Variants in ACRV1 observed in about 807,000 individuals in gnomAD.
ACRV1 encodes the protein acrosomal vesicle protein 1, also known as acrosomal protein SP-10.
ACRV1 carries 17 observed loss-of-function variants against 29.2 expected under a neutral mutation model. The ratio of observed to expected loss-of-function variants is 0.58; its 90% CI spans 0.40 to 0.87. The LOEUF is 0.87. Ranked by LOEUF, ACRV1 falls within the 40% of genes least tolerant of loss-of-function variation. The probability of loss-of-function intolerance (pLI) is 0.00; values close to 1 mark genes in which losing one functional copy is unlikely to be tolerated. For missense variants in ACRV1, 294 were observed against 316.0 expected (o/e 0.93, Z 0.53); for synonymous variants, 98 against 111.6 (o/e 0.88, Z 0.77).
chr11:125,676,429 T>C lies in ACRV1; in HGVS notation c.603A>G (p.Lys201=). The change falls in exon 3 of 4, where the codon AAA becomes AAG. Residue 201 remains lysine (K), a synonymous_variant. Coordinates refer to ENST00000533904, the MANE Select transcript of ACRV1 (RefSeq NM_001612.6). ...TGCAGGTTCCCTCTCCACGAAGACA[T>C]TTTCCTTGATCATTCATATAAGCAC... ...YTCAYMNDQG[K]CLRGEGTCIT... 1 of 1,614,072 alleles carries C rather than the reference T, an allele frequency of 6.2e-7. No homozygotes were observed. Among genetic ancestry groups the C allele is most frequent in the Non-Finnish European group, 8.5e-7 (1 of 1,179,954 alleles).
At chr11:125,677,444 A>G (rs1018179840) in intron 2 of ACRV1, among the ~76,000 whole-genome samples, 11 of 152,246 alleles carry the variant, frequency 7.2e-5, no homozygotes, top group Admixed American at 6.5e-5. Context: ...CAGGGTTAGC[A>G]TAAAGCTAAT....
At chr11:125,674,293 A>C (rs560611608) in intron 3 of ACRV1, among the ~76,000 whole-genome samples, 2 of 152,348 alleles carry the variant, frequency 1.3e-5, no homozygotes, top group African/African-American at 4.8e-5. Context: ...ATGCTGGCAA[A>C]TAAATGATTA....
Position 125,672,302 on chromosome 11 carries a change from TG to T in ACRV1, c.*290del. On this transcript the variant is annotated 3_prime_UTR_variant, in exon 4 of 4. Transcript: ENST00000533904. ...CATGTTGACCCTGCAACTAGATTAA[TG>T]GGGGAAAAAAAGGTCTGTCTTGAGC... 1 of 267,476 alleles carries T rather than the reference TG, an allele frequency of 3.7e-6. No individual in the cohort carries two copies. Among genetic ancestry groups the T allele is most frequent in the Non-Finnish European group, 7.0e-6 (1 of 143,178 alleles). The allele number at this position is 267,476 out of a possible 1,614,324, so 16.6% of individuals were successfully genotyped here.
Position 125,672,594 on chromosome 11 carries a change from T to C in ACRV1, c.797A>G (p.Ter266TrpextTer33). Residue 266 changes from the stop codon to tryptophan (W), a stop_lost, in exon 4 of 4, where the codon TAG becomes TGG. Transcript: ENST00000533904. ...CRNQSFCNKI[*>W] ...CAAAACAAGCAAGGGCCCAGGCTTC[T>C]AGATCTTATTGCAGAAAGATTGATT... 6.2e-7 allele frequency: 1 copy of C among 1,614,052 alleles called. No individual in the cohort carries two copies. The highest frequency in any genetic ancestry group is 8.5e-7 in the Non-Finnish European group (1 of 1,180,004).
At chr11:125,675,818 C>G (rs1402437264) in intron 3 of ACRV1, 1 of 153,260 alleles carries the variant, frequency 6.5e-6, no homozygotes, top group Non-Finnish European at 1.5e-5. Context: ...CAGCTAGTCT[C>G]TCTGCCTTCT....
chr11:125,680,353 C>T (rs1004160494), intron 1 of ACRV1, among the ~76,000 whole-genome samples: 1 of 152,154 alleles, frequency 6.6e-6, no homozygotes, highest in Non-Finnish European at 1.5e-5. Context: ...TTACATCTTC[C>T]CATCTCCCAT....
chr11:125,676,933 G>A (rs1942539736), intron 2 of ACRV1, among the ~76,000 whole-genome samples: 1 of 150,334 alleles, frequency 6.7e-6, no homozygotes, highest in Non-Finnish European at 1.5e-5. Flanking sequence ...TGTGAAGAGT[G>A]TGTCCTTCTC....
At chr11:125,676,872 A>G (rs1013662791) in intron 2 of ACRV1, among the ~76,000 whole-genome samples, 13 of 152,186 alleles carry the variant, frequency 8.5e-5, no homozygotes, top group Non-Finnish European at 1.6e-4. Flanking sequence ...ACTTGGAGTC[A>G]TATTTGACCG....
chr11:125,676,537 T>G, intron 2 of ACRV1, 59 bp from the exon 3 acceptor site: 1 of 1,605,634 alleles, frequency 6.2e-7, no homozygotes, highest in African/African-American at 1.3e-5. Flanking sequence ...GTAGCCTTGA[T>G]TCACATCTGG....
At chr11:125,674,771 A>T (rs1190116978) in intron 3 of ACRV1, among the ~76,000 whole-genome samples, 3 of 152,232 alleles carry the variant, frequency 2.0e-5, no homozygotes, top group African/African-American at 7.2e-5. Context: ...AGGGTATTTT[A>T]AAATGCATAT....
chr11:125,673,219 T>G (rs1216782792), intron 3 of ACRV1, among the ~76,000 whole-genome samples: 1 of 151,382 alleles, frequency 6.6e-6, no homozygotes, highest in Non-Finnish European at 1.5e-5. Flanking sequence ...TTTCTTTTTT[T>G]TTTTTGAGAC....
intron 1 of ACRV1, among the ~76,000 whole-genome samples, chr11:125,678,975 A>ATTT (rs1491273537): frequency 8.5e-5 from 3 of 35,366 alleles, no homozygotes; most frequent in African/African-American, 3.4e-4. Flanking sequence ...AAGTCTAGGC[A>ATTT]TATTATATAT....
Position 125,677,897 on chromosome 11 carries a change from A to G in ACRV1, c.453T>C (p.Gly151=). 6.2e-7 allele frequency: 1 copy of G among 1,613,834 alleles called. No individual in the cohort carries two copies. The highest frequency in any genetic ancestry group is 1.1e-5 in the South Asian group (1 of 91,054). The change falls in exon 2 of 4, where the codon GGT becomes GGC. Residue 151 remains glycine (G), a synonymous_variant. Transcript: ENST00000533904. ...AGGCCTGCTCACCAGAAGGCTGTTC[A>G]CCGGAGCCATGTTCACCTGAAGGCT... ...DEQPSGEHGS[G]EQPSGEQASG... is the part of the protein sequence containing the mutation.
chr11:125,676,931 G>C (rs1017478922), intron 2 of ACRV1, among the ~76,000 whole-genome samples: 1 of 151,502 alleles, frequency 6.6e-6, no homozygotes, highest in African/African-American at 2.4e-5. Flanking sequence ...CCTGTGAAGA[G>C]TGTGTCCTTC....
chr11:125,676,521 A>C, intron 2 of ACRV1, 43 bp from the exon 3 acceptor site: 2 of 1,612,194 alleles, frequency 1.2e-6, no homozygotes, highest in Non-Finnish European at 1.7e-6. Flanking sequence ...CTTGTGGACC[A>C]GATGTGTAGC....
At chr11:125,675,597 TAA>T (rs1311959879) in intron 3 of ACRV1, among the ~76,000 whole-genome samples, 1 of 152,064 alleles carries the variant, frequency 6.6e-6, no homozygotes, top group Non-Finnish European at 1.5e-5. Context: ...AGAGTAAGGG[TAA>T]AGAGGTGTGG....
intron 3 of ACRV1, 69 bp downstream of exon 3, chr11:125,676,290 A>G: frequency 6.3e-7 from 1 of 1,580,578 alleles, no homozygotes; most frequent in Non-Finnish European, 8.7e-7. Context: ...CTGTCATTCC[A>G]ACTGCCCCCT....
At chr11:125,675,423 A>G (rs1299047923) in intron 3 of ACRV1, among the ~76,000 whole-genome samples, 1 of 152,188 alleles carries the variant, frequency 6.6e-6, no homozygotes, top group Non-Finnish European at 1.5e-5. Flanking sequence ...AGTTCATGGT[A>G]TGTGTCATTA....
At chr11:125,673,300 G>C (rs903450796) in intron 3 of ACRV1, among the ~76,000 whole-genome samples, 2 of 151,640 alleles carry the variant, frequency 1.3e-5, no homozygotes, top group African/African-American at 4.8e-5. Context: ...CACCTCCCAG[G>C]TTCAAGCGAT....
Sources: gnomAD v4.1 joint callset for allele counts (sites outside exome capture counted in the v4.1 genomes callset) on GRCh38, gnomAD v4.1.1 for gene constraint, MANE v1.5 for transcripts, NCBI Gene and HGNC (gene_info 2026-07-23, HGNC 2026-07-21) for gene names.